MYO3B: variants seen among roughly 807,000 people sequenced by gnomAD.
MYO3B encodes the protein myosin-IIIb.
A neutral mutation model predicts 174.6 loss-of-function variants in MYO3B; 156 were observed. The ratio of observed to expected loss-of-function variants is 0.89; its 90% confidence interval spans 0.78 to 1.02. MYO3B has a LOEUF of 1.02. MYO3B is among the 50% of genes least tolerant of loss of function. MYO3B has a pLI of 0.00. For missense variants in MYO3B, 1,632 were observed against 1,639.4 expected (o/e 1.00, Z 0.08); for synonymous variants, 563 against 569.1 (o/e 0.99, Z 0.15).
intron 30 of MYO3B, 80 bp from the exon 31 acceptor site, chr2:170,542,826 T>C: frequency 9.0e-7 from 1 of 1,105,716 alleles, no homozygotes; most frequent in Non-Finnish European, 1.3e-6. Flanking sequence ...GATATATCTT[T>C]GAAGAAAAAC....
Position 170,437,663 on chromosome 2 carries a change from G to A in MYO3B, c.2651-6304G>A, listed in dbSNP as rs573442741. Among the ~76,000 whole-genome samples, 4 of 152,122 alleles carry A rather than the reference G, an allele frequency of 2.6e-5. No individual in the cohort carries two copies. The South Asian group carries it at 8.3e-4, about 32-fold the overall frequency. ...TAGTGTCAACTAAAACTTACATTAA[G>A]TAAATTTTTATGCTTTTCACTTAGT... On this transcript the variant is annotated intron_variant, in intron 22 of 34. Transcript: ENST00000408978.
chr2:170,601,701 G>C, intron 32 of MYO3B: 1 of 1,533,670 alleles, frequency 6.5e-7, no homozygotes, highest in Non-Finnish European at 9.0e-7. Flanking sequence ...TTTCAGCCTT[G>C]ACAACTCCCT....
intron 1 of MYO3B, among the ~76,000 whole-genome samples, chr2:170,193,416 A>G (rs2092563527): frequency 6.6e-6 from 1 of 151,774 alleles, no homozygotes; most frequent in South Asian, 2.1e-4. Context: ...TTTACTTTTA[A>G]AGTTTCTGAG....
At chr2:170,318,864 A>G (rs2093794909) in intron 7 of MYO3B, among the ~76,000 whole-genome samples, 1 of 152,174 alleles carries the variant, frequency 6.6e-6, no homozygotes, top group Admixed American at 6.5e-5. Context: ...TGAGCTTAGT[A>G]TTAGCCCTAG....
intron 6 of MYO3B, among the ~76,000 whole-genome samples, chr2:170,230,546 C>A (rs1243074724): frequency 6.6e-6 from 1 of 151,796 alleles, no homozygotes; most frequent in Non-Finnish European, 1.5e-5. Flanking sequence ...AGAATCCCAG[C>A]AGTCAACAAA....
At chr2:170,481,530 T>A (rs959373383) in intron 25 of MYO3B, among the ~76,000 whole-genome samples, 4 of 152,180 alleles carry the variant, frequency 2.6e-5, no homozygotes, top group Non-Finnish European at 2.9e-5. Context: ...GAGCTGTGAT[T>A]GTGCCACTGC....
rs370374146 is a variant in MYO3B, at chr2:170,407,574, TA to T, written c.2521-140del. ...CTGTCAACATCATAATTATTCCCTT[TA>T]TCTGGTGCTCTGGATATGAAAGCTA... On this transcript the variant is annotated intron_variant, in intron 21 of 34. Coordinates refer to ENST00000408978, the MANE Select transcript of MYO3B (RefSeq NM_138995.5). The T allele has an allele frequency of 2.4e-3, 216 of 89,746 alleles. 1 individual carries two copies. Among genetic ancestry groups the T allele is most frequent in the Middle Eastern group, 0.021 (5 of 238 alleles). The allele number at this position is 89,746 out of a possible 1,614,324, so 5.6% of individuals were successfully genotyped here. A position where few individuals can be genotyped will look rare whatever the true frequency, so the allele number is the denominator to read the frequency against.
chr2:170,508,365 AAT>A (rs1432247284), intron 28 of MYO3B, among the ~76,000 whole-genome samples: 2 of 152,222 alleles, frequency 1.3e-5, no homozygotes, highest in African/African-American at 4.8e-5. Flanking sequence ...AGAATCATAA[AAT>A]ATGTTATCAC....
intron 8 of MYO3B, among the ~76,000 whole-genome samples, chr2:170,336,023 A>G (rs535336077): frequency 2.0e-5 from 3 of 152,288 alleles, no homozygotes; most frequent in South Asian, 2.1e-4. Context: ...TCACTAGGCA[A>G]GTATTGCTGG....
In MYO3B at chr2:170,305,898, C is replaced by G. The variant is rs191319229; in HGVS notation, c.750-29487C>G. On this transcript the variant is annotated intron_variant, in intron 7 of 34. Coordinates refer to ENST00000408978, the MANE Select transcript of MYO3B (RefSeq NM_138995.5). Reference sequence around the variant, plus strand: ...TACCACTCTTGGCTCTATCCCAAACCTTAGTGGGTTAAAGCGATAAACATT... The same window carrying G: ...TACCACTCTTGGCTCTATCCCAAACGTTAGTGGGTTAAAGCGATAAACATT... 1.8e-3 allele frequency among the ~76,000 whole-genome samples: 276 copies of G among 152,244 alleles called. 1 individual carries two copies. Among genetic ancestry groups the G allele is most frequent in the South Asian group, 7.9e-3 (38 of 4,810 alleles).
chr2:170,319,584 G>A (rs959277223), intron 7 of MYO3B, among the ~76,000 whole-genome samples: 1 of 152,138 alleles, frequency 6.6e-6, no homozygotes, highest in Non-Finnish European at 1.5e-5. Flanking sequence ...ACTTCCAGAA[G>A]GAGGTGAGAT....
At chr2:170,216,021 T>C (rs1301369530) in intron 5 of MYO3B, among the ~76,000 whole-genome samples, 1 of 152,208 alleles carries the variant, frequency 6.6e-6, no homozygotes, top group Non-Finnish European at 1.5e-5. Flanking sequence ...AAAGGTATAG[T>C]TGTTTTTACC....
At chr2:170,588,056 T>C (rs1346276710) in intron 32 of MYO3B, among the ~76,000 whole-genome samples, 2 of 152,136 alleles carry the variant, frequency 1.3e-5, no homozygotes, top group East Asian at 1.9e-4. Flanking sequence ...ACAGTCTTGG[T>C]TGGGGGGAGT....
intron 27 of MYO3B, among the ~76,000 whole-genome samples, chr2:170,500,750 G>T (rs1360416315): frequency 2.0e-5 from 3 of 152,278 alleles, no homozygotes; most frequent in African/African-American, 7.2e-5. Flanking sequence ...TACACTTCAG[G>T]TCTGTGGTCA....
chr2:170,214,834 G>A lies in MYO3B; in HGVS notation c.526+6G>A, dbSNP rs1387299303. The A allele has an allele frequency of 1.2e-6, 2 of 1,607,284 alleles. No individual in the cohort carries two copies. Among genetic ancestry groups the A allele is most frequent in the South Asian group, 2.2e-5 (2 of 90,856 alleles). On this transcript the variant is annotated splice_donor_region_variant and intron_variant, in intron 5 of 34. Transcript: ENST00000408978. ...AGTTAAGCTCGTTGACTTTGGTAAT[G>A]ACTGCTTGTCGTTTGTTTTCTTGAC...
At position 170,402,901 on chromosome 2, in the gene MYO3B, A is replaced by G; in HGVS notation, c.2183A>G (p.Asn728Ser). 6.2e-7 allele frequency: 1 copy of G among 1,612,288 alleles called. No homozygotes were observed. Among genetic ancestry groups the G allele is most frequent in the Non-Finnish European group, 8.5e-7 (1 of 1,178,620 alleles). The change falls in exon 19 of 35, where the codon AAT (asparagine) becomes AGT (serine). Residue 728 changes from asparagine to serine, a missense_variant. Transcript: ENST00000408978. ...VGILDIFGFE[N>S]FQRNSFEQLC... Reference sequence around the variant, plus strand: ...ATCTTGGATATCTTTGGATTCGAGAATTTTCAGAGAAATTCATTTGAGCAG... The same window carrying G: ...ATCTTGGATATCTTTGGATTCGAGAGTTTTCAGAGAAATTCATTTGAGCAG...
chr2:170,567,372 G>A (rs532460845), intron 32 of MYO3B, among the ~76,000 whole-genome samples: 2 of 152,148 alleles, frequency 1.3e-5, no homozygotes, highest in African/African-American at 2.4e-5. Context: ...ATTTTTTCCC[G>A]TAACCACTGA....
chr2:170,192,422 T>C (rs1423520856), intron 1 of MYO3B, among the ~76,000 whole-genome samples: 1 of 151,294 alleles, frequency 6.6e-6, no homozygotes, highest in Non-Finnish European at 1.5e-5. Context: ...TTCTTATGCA[T>C]CTTTTTCTTT....
chr2:170,559,376 A>G (rs1019550950), intron 32 of MYO3B, among the ~76,000 whole-genome samples: 2 of 152,218 alleles, frequency 1.3e-5, no homozygotes, highest in Non-Finnish European at 2.9e-5. Context: ...TGTAAAGTCT[A>G]TTACATTATA....
Sources: allele counts gnomAD v4.1 joint callset (sites outside exome capture counted in the v4.1 genomes callset), GRCh38; gene constraint gnomAD v4.1.1; transcripts MANE v1.5; gene names NCBI Gene and HGNC (gene_info 2026-07-23, HGNC 2026-07-21).